NOTCH2NLR: variants seen among roughly 807,000 people sequenced by gnomAD.
NOTCH2NLR encodes notch 2 N-terminal like R.
In NOTCH2NLR, 33 loss-of-function variants were observed where a neutral mutation model predicts 35.6. The ratio of observed to expected loss-of-function variants is 0.93; its 90% CI spans 0.70 to 1.24. The LOEUF (loss-of-function observed/expected upper bound fraction) is 1.24. NOTCH2NLR is among the 50% of genes most tolerant of loss of function. The pLI is 0.00. For synonymous variants in NOTCH2NLR, 103 were observed against 141.0 expected, an observed-to-expected ratio of 0.73 and a Z score of 1.91; for missense variants, 276 against 362.2, an observed-to-expected ratio of 0.76 and a Z score of 1.93.
intron 1 of NOTCH2NLR, among the ~76,000 whole-genome samples, chr1:120,755,891 T>C (rs1288233540): frequency 1.2e-5 from 1 of 86,050 alleles, no homozygotes; most frequent in African/African-American, 8.7e-5. Flanking sequence ...CATAAATCCT[T>C]GGAACACTAT....
intron 1 of NOTCH2NLR, among the ~76,000 whole-genome samples, chr1:120,730,987 A>G (rs1650868465): frequency 7.5e-5 from 1 of 13,258 alleles, no homozygotes; most frequent in Non-Finnish European, 1.3e-4. Context: ...TGACATCATC[A>G]TGGAGACAAG....
chr1:120,777,928 C>G (rs1651316689), intron 2 of NOTCH2NLR, among the ~76,000 whole-genome samples: 1 of 93,672 alleles, frequency 1.1e-5, no homozygotes, highest in Admixed American at 1.1e-4. Flanking sequence ...GTGGGTTAGG[C>G]CTCCTGAATG....
At chr1:120,763,682 C>T in exon 2 of NOTCH2NLR, 3 of 1,409,724 alleles carry the variant, frequency 2.1e-6, no homozygotes, top group South Asian at 1.2e-5. Context: ...ATGTGTGTTA[C>T]CTACCACAGT....
rs1415979131 is a variant in NOTCH2NLR at position 120,784,831 on chromosome 1, G to A, written c.156-143G>A. 4.2e-5 allele frequency: 39 copies of A among 939,212 alleles called. 10 individuals are homozygous for A. In the Admixed American group the frequency reaches 5.0e-4, roughly 12 times the overall value. The allele number at this position is 939,212 out of a possible 1,614,324, so 58.2% of individuals were successfully genotyped here. On this transcript the variant is annotated intron_variant, in intron 2 of 4. Transcript: ENST00000624419. ...TTCTCTAAGGACTCTTTCTTCTAAA[G>A]GGAAGCAGTTTTATAGGTGGTACTT... is the stretch of plus-strand genomic sequence containing the variant.
intron 2 of NOTCH2NLR, among the ~76,000 whole-genome samples, chr1:120,770,504 G>A (rs1157934425): frequency 8.6e-6 from 1 of 115,854 alleles, no homozygotes; most frequent in Non-Finnish European, 1.6e-5. Flanking sequence ...ATAGACTTAA[G>A]TTTGAGTCCT....
chr1:120,770,474 C>T lies in NOTCH2NLR; in HGVS notation c.155+6765C>T, dbSNP rs1333110982. Among the ~76,000 whole-genome samples the T allele has an allele frequency of 9.7e-5, 11 of 113,954 alleles. 1 individual carries two copies. Among genetic ancestry groups the T allele is most frequent in the Non-Finnish European group, 1.3e-4 (8 of 60,306 alleles). The allele number at this position is 113,954 out of a possible 152,430, so 74.8% of individuals were successfully genotyped here. A position where few individuals can be genotyped will look rare whatever the true frequency, so the allele number is the denominator to read the frequency against. On this transcript the variant is annotated intron_variant, in intron 2 of 4. Coordinates refer to ENST00000624419, the Ensembl canonical transcript of NOTCH2NLR. ...GTGAGCCACCACACCCAGCCGAGGACATAGGTTTTTTTATGCCAGATAGAC... is the reference window on the plus strand; with the variant it reads ...GTGAGCCACCACACCCAGCCGAGGATATAGGTTTTTTTATGCCAGATAGAC...
chr1:120,752,545 TA>T (rs2101381464), intron 1 of NOTCH2NLR, among the ~76,000 whole-genome samples: 3 of 17,908 alleles, frequency 1.7e-4, no homozygotes, highest in East Asian at 1.9e-3. Flanking sequence ...TATATATATA[TA>T]TATATATATT....
chr1:120,755,933 C>CTT (rs1168463033), intron 1 of NOTCH2NLR, among the ~76,000 whole-genome samples: 6 of 87,298 alleles, frequency 6.9e-5, no homozygotes, highest in Non-Finnish European at 1.2e-4. Flanking sequence ...TCTCTTATTG[C>CTT]TTTTTTTTTT....
In NOTCH2NLR at chr1:120,783,730, A is replaced by G. The variant is rs1272259454; in HGVS notation, c.156-1244A>G. On this transcript the variant is annotated intron_variant, in intron 2 of 4. Coordinates refer to ENST00000624419, the Ensembl canonical transcript of NOTCH2NLR. ...TTTGAGAGAAAGAGCAGTGCAGTCCAGACTTAAACGTTAGGGTGGCCATAA... is the reference window on the plus strand; with the variant it reads ...TTTGAGAGAAAGAGCAGTGCAGTCCGGACTTAAACGTTAGGGTGGCCATAA... Among the ~76,000 whole-genome samples, 220 of 117,944 alleles carry G rather than the reference A, an allele frequency of 1.9e-3. 82 individuals carry two copies. Among genetic ancestry groups the G allele is most frequent in the African/African-American group, 0.011 (216 of 20,338 alleles). 77.4% of individuals were successfully genotyped at this position (117,944 alleles called of 152,430 possible). A position where few individuals can be genotyped will look rare whatever the true frequency, so the allele number is the denominator to read the frequency against.
chr1:120,790,207 G>A (rs1651469066), intron 3 of NOTCH2NLR, among the ~76,000 whole-genome samples: 1 of 103,492 alleles, frequency 9.7e-6, no homozygotes, highest in Non-Finnish European at 1.8e-5. Context: ...GTAGAGATGG[G>A]CTTTCACCTT....
intron 1 of NOTCH2NLR, among the ~76,000 whole-genome samples, chr1:120,726,850 G>C (rs1472942990): frequency 0.79 from 83,001 of 105,196 alleles, 36,638 homozygotes; most frequent in African/African-American, 0.82. Flanking sequence ...TAACTTCTTG[G>C]GATCTCTCTG....
rs1234439489 is a variant in NOTCH2NLR, at chr1:120,724,309, C to G, written c.73+59C>G. On this transcript the variant is annotated intron_variant, in intron 1 of 4. Coordinates refer to ENST00000624419, the Ensembl canonical transcript of NOTCH2NLR. ...GCCCGGGGCTGCCACCTGGGGCGAC[C>G]CTTCTCCCCCTCAGTCCTTCTCTGT... 13 of 1,363,106 alleles carry G rather than the reference C, an allele frequency of 9.5e-6. 2 individuals are homozygous for G. Among genetic ancestry groups the G allele is most frequent in the Non-Finnish European group, 9.6e-7 (1 of 1,046,816 alleles). The allele number at this position is 1,363,106 out of a possible 1,614,324, so 84.4% of individuals were successfully genotyped here.
At chr1:120,737,770 C>G (rs1650921567) in intron 1 of NOTCH2NLR, among the ~76,000 whole-genome samples, 1 of 123,888 alleles carries the variant, frequency 8.1e-6, no homozygotes, top group Admixed American at 7.8e-5. Flanking sequence ...GGTGGAGTTA[C>G]TTTCTCAGAA....
intron 1 of NOTCH2NLR, among the ~76,000 whole-genome samples, chr1:120,728,709 T>G (rs1384561330): frequency 8.5e-6 from 1 of 117,822 alleles, no homozygotes; most frequent in Non-Finnish European, 1.6e-5. Context: ...TTAACTAAGT[T>G]TATATTTATT....
At chr1:120,770,218 G>A (rs1651246882) in intron 2 of NOTCH2NLR, among the ~76,000 whole-genome samples, 1 of 100,764 alleles carries the variant, frequency 9.9e-6, no homozygotes, top group Non-Finnish European at 1.8e-5. Flanking sequence ...GGCCCAGGCT[G>A]GAGTGCAGTG....
intron 1 of NOTCH2NLR, among the ~76,000 whole-genome samples, chr1:120,734,258 C>T (rs1338264524): frequency 1.2e-4 from 1 of 8,298 alleles, no homozygotes; most frequent in Non-Finnish European, 1.8e-4. Context: ...TAATTTCAGG[C>T]CATATGAATG....
chr1:120,770,041 T>C (rs1250497790), intron 2 of NOTCH2NLR, among the ~76,000 whole-genome samples: 1 of 116,556 alleles, frequency 8.6e-6, no homozygotes, highest in Non-Finnish European at 1.8e-5. Flanking sequence ...ATCAAAATTT[T>C]AAATAAGGAG....
At chr1:120,784,219 T>A (rs2101452620) in intron 2 of NOTCH2NLR, among the ~76,000 whole-genome samples, 1 of 118,882 alleles carries the variant, frequency 8.4e-6, no homozygotes, top group Non-Finnish European at 1.6e-5. Context: ...CAAACTTTAT[T>A]AATACAGTAG....
intron 1 of NOTCH2NLR, among the ~76,000 whole-genome samples, chr1:120,756,675 T>A (rs1379522357): frequency 8.5e-6 from 1 of 117,684 alleles, no homozygotes; most frequent in Non-Finnish European, 1.6e-5. Flanking sequence ...ATGTTAGAGA[T>A]TCCTAAAACA....
Sources: allele counts gnomAD v4.1 joint callset (sites outside exome capture counted in the v4.1 genomes callset), GRCh38; gene constraint gnomAD v4.1.1; transcripts MANE v1.5; gene names NCBI Gene and HGNC (gene_info 2026-07-23, HGNC 2026-07-21).